ANK3: variants seen among roughly 807,000 people sequenced by gnomAD.
The protein encoded by ANK3 is ankyrin-3.
A neutral mutation model predicts 370.9 loss-of-function variants in ANK3; 57 were observed. The observed-to-expected ratio is 0.15, with a 90% confidence interval of 0.12 to 0.19. The LOEUF is 0.19. Among genes scored for constraint, ANK3 ranks in the 10% least tolerant of loss-of-function variants. The probability of loss-of-function intolerance (pLI) is 1.00; values close to 1 mark genes in which losing one functional copy is unlikely to be tolerated. For missense variants in ANK3, 4,439 were observed against 5,302.1 expected, an observed-to-expected ratio of 0.84 and a Z score of 5.06; for synonymous variants, 1,929 against 1,946.3, an observed-to-expected ratio of 0.99 and a Z score of 0.23.
At chr10:60,622,713 T>G (rs371116333) in intron 1 of ANK3, among the ~76,000 whole-genome samples, 34 of 152,218 alleles carry the variant, frequency 2.2e-4, no homozygotes, top group African/African-American at 8.2e-4. Flanking sequence ...CTTAGTAAAA[T>G]GCATACTAGA....
chr10:60,612,116 T>C (rs2078209465), intron 2 of ANK3, among the ~76,000 whole-genome samples: 2 of 152,136 alleles, frequency 1.3e-5, no homozygotes, highest in Non-Finnish European at 2.9e-5. Flanking sequence ...AAAAGGATTC[T>C]GCATTTTCCG....
rs548850508 is a variant in ANK3 at position 60,565,836 on chromosome 10, A to G, written c.96+49350T>C. On this transcript the variant is annotated intron_variant, in intron 2 of 43. Transcript: ENST00000373827. ...TACCACTCCCTCCTTTCTGCCACCA[A>G]TAAAGCCTGAATTCAGCTTTATTTG... 2.1e-4 allele frequency among the ~76,000 whole-genome samples: 32 copies of G among 152,316 alleles called. No individual in the cohort carries two copies. The East Asian group carries it at 3.5e-3, about 17-fold the overall frequency.
intron 1 of ANK3, among the ~76,000 whole-genome samples, chr10:60,676,850 C>G (rs538458972): frequency 6.6e-6 from 1 of 152,140 alleles, no homozygotes; most frequent in East Asian, 1.9e-4. Context: ...CTACAGTTAA[C>G]AATAATTTAT....
At chr10:60,037,183 G>A (rs867626779) in intron 43 of ANK3, among the ~76,000 whole-genome samples, 2 of 152,104 alleles carry the variant, frequency 1.3e-5, no homozygotes, top group Admixed American at 6.5e-5. Context: ...GAAGCAATAA[G>A]TTCCTAACTG....
At chr10:60,319,976 C>A (rs2048286806) in intron 1 of ANK3, among the ~76,000 whole-genome samples, 1 of 152,142 alleles carries the variant, frequency 6.6e-6, no homozygotes, top group Non-Finnish European at 1.5e-5. Flanking sequence ...CCCCAGTTTC[C>A]CTCAGCCTTC....
chr10:60,192,397 A>T (rs1234015116), intron 16 of ANK3, among the ~76,000 whole-genome samples: 4 of 150,628 alleles, frequency 2.7e-5, no homozygotes, highest in Admixed American at 1.3e-4. Context: ...TGACAAATAT[A>T]AAGCTGGAAA....
chr10:60,629,005 T>C (rs1232131627), intron 1 of ANK3, among the ~76,000 whole-genome samples: 2 of 152,198 alleles, frequency 1.3e-5, no homozygotes, highest in Non-Finnish European at 2.9e-5. Context: ...GTTTCTCTGC[T>C]TTTTTGTTGT....
intron 16 of ANK3, among the ~76,000 whole-genome samples, chr10:60,193,708 C>A (rs1246514075): frequency 6.6e-6 from 1 of 151,824 alleles, no homozygotes; most frequent in Non-Finnish European, 1.5e-5. Flanking sequence ...TGCTTTATAA[C>A]TTTGGTCAAT....
chr10:60,407,106 A>G (rs2060767113), intron 2 of ANK3, among the ~76,000 whole-genome samples: 1 of 152,240 alleles, frequency 6.6e-6, no homozygotes, highest in African/African-American at 2.4e-5. Context: ...GTTGTATCAC[A>G]TGAAAGTCCC....
chr10:60,310,687 A>G (rs749767531), intron 1 of ANK3, among the ~76,000 whole-genome samples: 13 of 152,236 alleles, frequency 8.5e-5, no homozygotes, highest in Admixed American at 3.3e-4. Flanking sequence ...TCTGTAATCA[A>G]TTCTAACACA....
intron 1 of ANK3, among the ~76,000 whole-genome samples, chr10:60,710,523 T>A (rs1190377019): frequency 5.3e-5 from 8 of 152,134 alleles, no homozygotes; most frequent in Admixed American, 5.2e-4. Context: ...ATAAAATACC[T>A]TTTTCTTAAT....
At chr10:60,353,738 A>G (rs2057306138) in intron 1 of ANK3, among the ~76,000 whole-genome samples, 1 of 152,224 alleles carries the variant, frequency 6.6e-6, no homozygotes, top group Admixed American at 6.5e-5. Flanking sequence ...AGGAATACAA[A>G]GATCACACGG....
chr10:60,350,602 T>A (rs950209823), intron 1 of ANK3, among the ~76,000 whole-genome samples: 6 of 152,190 alleles, frequency 3.9e-5, no homozygotes, highest in Admixed American at 1.3e-4. Flanking sequence ...CAAGAGATTC[T>A]CTTAAACCTC....
At chr10:60,273,709 G>A (rs551806384) in intron 4 of ANK3, among the ~76,000 whole-genome samples, 1 of 152,300 alleles carries the variant, frequency 6.6e-6, no homozygotes, top group East Asian at 1.9e-4. Context: ...ATCAAGGGCG[G>A]GGCCAGGTGG....
intron 8 of ANK3, among the ~76,000 whole-genome samples, chr10:60,221,558 A>C (rs2132486928): frequency 6.6e-6 from 1 of 152,316 alleles, no homozygotes; most frequent in East Asian, 1.9e-4. Flanking sequence ...CTTTTCTTGT[A>C]TTATTTTGAA....
intron 1 of ANK3, among the ~76,000 whole-genome samples, chr10:60,718,874 A>G (rs896551601): frequency 2.0e-5 from 3 of 152,214 alleles, no homozygotes; most frequent in African/African-American, 7.2e-5. Flanking sequence ...AAGATACCCA[A>G]GAGAAAAACT....
chr10:60,043,546 T>C (rs192566942), intron 42 of ANK3: 5 of 985,294 alleles, frequency 5.1e-6, no homozygotes, highest in African/African-American at 3.5e-5. Context: ...TGGGCTGTTA[T>C]AAACCCAAAG....
In ANK3 at chr10:60,324,810, G is replaced by C. The variant is rs190996240; in HGVS notation, c.115-45171C>G. Among the ~76,000 whole-genome samples, 160 of 152,260 alleles carry C rather than the reference G, an allele frequency of 1.1e-3. 2 individuals carry two copies. The highest frequency in any genetic ancestry group is 2.1e-3 in the Non-Finnish European group (141 of 68,014). ...AAATATAAGGTCATTGAGCAGTAAA[G>C]TTGTGTTTATTGTGGCCACTGCTAT... On this transcript the variant is annotated intron_variant, in intron 1 of 43. Coordinates refer to ENST00000280772, the MANE Select transcript of ANK3 (RefSeq NM_020987.5).
rs765015032 is a variant in ANK3 at position 60,070,942 on chromosome 10, G to T, written c.9939C>A (p.Asp3313Glu). 1.2e-6 allele frequency: 2 copies of T among 1,614,048 alleles called. No homozygotes were observed. Among genetic ancestry groups the T allele is most frequent in the Non-Finnish European group, 1.7e-6 (2 of 1,179,972 alleles). The change falls in exon 37 of 44, where the codon GAC (aspartate) becomes GAA (glutamate). Residue 3313 changes from aspartate (D) to glutamate (E), a missense_variant. By Grantham distance (45) the Asp-to-Glu change is conservative. Around this residue, in one of 13 missense-constraint regions of ANK3, gnomAD observed 1,601 missense variants for 1,731.7 expected, o/e 0.92. Coordinates refer to ENST00000280772, the MANE Select transcript of ANK3 (RefSeq NM_020987.5). The surrounding 1 kb of genome is among the most constrained non-coding windows in gnomAD (Gnocchi z 5.7). ...ATTCGTCATCGCTTGAATCACTGAC[G>T]TCTGCCCCGGGAGGAACTGGTGAAG... ...QPPSPVPPGA[D>E]VSDSSDDESI...
Sources: allele counts gnomAD v4.1 joint callset (sites outside exome capture counted in the v4.1 genomes callset), GRCh38; gene constraint gnomAD v4.1.1; regional missense constraint gnomAD v4.1.1; non-coding constraint Gnocchi (gnomAD v3.1); transcripts MANE v1.5; gene names NCBI Gene and HGNC (gene_info 2026-07-23, HGNC 2026-07-21).